Variants in ALMS1 observed in about 807,000 individuals in gnomAD.
The protein encoded by ALMS1 is centrosome-associated protein ALMS1.
Under a neutral mutation model 352.2 loss-of-function variants are expected in ALMS1, and 271 were observed. The observed-to-expected ratio is 0.77, with a 90% CI of 0.70 to 0.85. The LOEUF is 0.85. ALMS1 is among the 40% of genes least tolerant of loss of function. ALMS1 has a pLI of 0.00. For missense variants in ALMS1, 5,445 were observed against 4,870.7 expected (o/e 1.12, Z -3.51); for synonymous variants, 1,865 against 1,761.2 (o/e 1.06, Z -1.48).
rs779417083 is a variant in ALMS1 at position 73,451,739 on chromosome 2, G to A, written c.5212G>A (p.Val1738Ile). Residue 1738 changes from valine to isoleucine, a missense_variant, in exon 8 of 23, where the codon GTT becomes ATT. Coordinates refer to ENST00000613296, the MANE Select transcript of ALMS1 (RefSeq NM_001378454.1). ...TGAGCTAACTCAAGAAGCTCTGAAA[G>A]TTTCAGCTGTTCCTCAACCAGCTGA... Reference protein sequence around the residue: ...DSELTQEALKVSAVPQPADQK... With the variant: ...DSELTQEALKISAVPQPADQK... 6 of 1,614,012 alleles carry A rather than the reference G, an allele frequency of 3.7e-6. No individual in the cohort carries two copies. In the South Asian group the frequency reaches 5.5e-5, roughly 15 times the overall value.
chr2:73,437,529 T>G (rs1671627764), intron 7 of ALMS1, among the ~76,000 whole-genome samples: 1 of 152,214 alleles, frequency 6.6e-6, no homozygotes, highest in Admixed American at 6.5e-5. Context: ...CAGTGTTCTT[T>G]CTTTACAGCC....
Position 73,451,619 on chromosome 2 carries a change from G to C in ALMS1, c.5092G>C (p.Asp1698His). 6.2e-7 allele frequency: 1 copy of C among 1,614,052 alleles called. No individual in the cohort carries two copies. The highest frequency in any genetic ancestry group is 1.1e-5 in the South Asian group (1 of 91,084). ...GAAAGTTCCACCTGTTCCTGGACCA[G>C]ATGCCCAGAAGACTGAGACACCATC... Reference protein sequence around the residue: ...ALKVPPVPGPDAQKTETPSVS... With the variant: ...ALKVPPVPGPHAQKTETPSVS... The change falls in exon 8 of 23, where the codon GAT becomes CAT. Residue 1698 changes from aspartate (D) to histidine (H), a missense_variant. Asp to His is a moderately conservative substitution (Grantham distance 81, BLOSUM62 -1). Coordinates refer to ENST00000613296, the MANE Select transcript of ALMS1 (RefSeq NM_001378454.1).
intron 15 of ALMS1, among the ~76,000 whole-genome samples, chr2:73,565,429 T>C (rs1674781822): frequency 6.6e-6 from 1 of 152,196 alleles, no homozygotes; most frequent in Admixed American, 6.5e-5. Context: ...GAGTCTGTAC[T>C]GATAAAAGTA....
chr2:73,489,779 C>T lies in ALMS1; in HGVS notation c.7820C>T (p.Ala2607Val). Residue 2607 changes from alanine (A) to valine (V), a missense_variant, in exon 10 of 23, where the codon GCT (alanine) becomes GTT (valine). Transcript: ENST00000613296. The stretch of plus-strand genomic sequence containing the variant: ...AGACACCCTTGTGCTTTCAGATCTG[C>T]TGGACCCTCAGAAATGACCAGAGGA... ...LDRHPCAFRS[A>V]GPSEMTRGRQ... The T allele has an allele frequency of 6.2e-7, 1 of 1,614,150 alleles. No individual in the cohort carries two copies. Among genetic ancestry groups the T allele is most frequent in the Admixed American group, 1.7e-5 (1 of 60,012 alleles).
rs975010768 is a variant in ALMS1, at chr2:73,577,138, A to G, written c.11547+3714A>G. Among the ~76,000 whole-genome samples, 4 of 152,148 alleles carry G rather than the reference A, an allele frequency of 2.6e-5. No individual in the cohort carries two copies. In the East Asian group the frequency reaches 7.7e-4, roughly 29 times the overall value. ...TTTGTGATATCTTTACTGCCTTTAT[A>G]TCAGGGTACTACTGGCCTTATAGAA... On this transcript the variant is annotated intron_variant, in intron 16 of 22. Coordinates refer to ENST00000613296, the MANE Select transcript of ALMS1 (RefSeq NM_001378454.1).
intron 13 of ALMS1, among the ~76,000 whole-genome samples, chr2:73,555,557 A>G (rs1481817925): frequency 6.6e-6 from 1 of 152,202 alleles, no homozygotes; most frequent in African/African-American, 2.4e-5. Context: ...AAGATTTCTT[A>G]ATCAGGACAC....
intron 1 of ALMS1, among the ~76,000 whole-genome samples, chr2:73,402,358 C>T (rs553122879): frequency 6.7e-6 from 1 of 149,996 alleles, no homozygotes; most frequent in African/African-American, 2.5e-5. Context: ...ACTGCAACCT[C>T]CGCCTCCCGA....
intron 17 of ALMS1, 131 bp from the exon 18 acceptor site, chr2:73,600,547 C>A: frequency 1.3e-6 from 1 of 786,098 alleles, no homozygotes; most frequent in Non-Finnish European, 2.0e-6. Flanking sequence ...CCTCTCTCTT[C>A]GCATCCCTCC....
chr2:73,548,147 G>C (rs990683779), intron 12 of ALMS1, among the ~76,000 whole-genome samples: 1 of 152,154 alleles, frequency 6.6e-6, no homozygotes, highest in African/African-American at 2.4e-5. Flanking sequence ...GTCTACAATT[G>C]AATGTAGGCA....
chr2:73,553,392 A>C (rs556958263), intron 13 of ALMS1, among the ~76,000 whole-genome samples: 2 of 152,316 alleles, frequency 1.3e-5, no homozygotes, highest in African/African-American at 2.4e-5. Context: ...GCGGTGGTAC[A>C]CAAGGCCTAG....
intron 17 of ALMS1, 54 bp from the exon 18 acceptor site, chr2:73,600,624 T>G (rs1356299904): frequency 1.3e-6 from 2 of 1,516,172 alleles, no homozygotes; most frequent in Admixed American, 2.0e-5. Context: ...TGAATAAATC[T>G]GTCAACTCAG....
chr2:73,400,217 A>G (rs1670847664), intron 1 of ALMS1, among the ~76,000 whole-genome samples: 1 of 152,198 alleles, frequency 6.6e-6, no homozygotes, highest in Non-Finnish European at 1.5e-5. Flanking sequence ...AAGTGCTGGA[A>G]TTACAGGTGG....
chr2:73,585,803 A>G (rs1675299091), intron 16 of ALMS1, among the ~76,000 whole-genome samples: 1 of 137,954 alleles, frequency 7.2e-6, no homozygotes, highest in African/African-American at 2.9e-5. Flanking sequence ...ATCTCCACTC[A>G]CTGCAACCAC....
At chr2:73,387,130 T>C (rs1319106779) in intron 1 of ALMS1, among the ~76,000 whole-genome samples, 1 of 152,166 alleles carries the variant, frequency 6.6e-6, no homozygotes, top group Non-Finnish European at 1.5e-5. Context: ...TCACAGACAG[T>C]GAAGGTGTAG....
intron 16 of ALMS1, among the ~76,000 whole-genome samples, chr2:73,593,944 T>C (rs1474563390): frequency 2.0e-5 from 3 of 152,254 alleles, no homozygotes; most frequent in Non-Finnish European, 4.4e-5. Flanking sequence ...GACATTCCAT[T>C]CTATGAATAT....
chr2:73,530,881 C>T (rs986230685), intron 11 of ALMS1, among the ~76,000 whole-genome samples: 2 of 152,220 alleles, frequency 1.3e-5, no homozygotes, highest in African/African-American at 4.8e-5. Context: ...CTGAGCTGTC[C>T]TTTTAGCCAC....
intron 1 of ALMS1, among the ~76,000 whole-genome samples, chr2:73,401,559 A>C (rs889387253): frequency 6.6e-6 from 1 of 152,034 alleles, no homozygotes; most frequent in Non-Finnish European, 1.5e-5. Context: ...ATTGATTTCT[A>C]GTTTATTTTT....
rs1671860493 is a variant in ALMS1 at position 73,448,719 on chromosome 2, C to T, written c.2192C>T (p.Ala731Val). Residue 731 changes from alanine (A) to valine (V), a missense_variant, in exon 8 of 23, where the codon GCA becomes GTA. By Grantham distance (64) the Ala-to-Val change is moderately conservative (BLOSUM62 0). Coordinates refer to ENST00000613296, the MANE Select transcript of ALMS1 (RefSeq NM_001378454.1). ...GGTATTTTTTACCAACAAGAGTTCG[C>T]AGACAGTCATCAAACTGAAGAGACT... is the stretch of plus-strand genomic sequence containing the variant. ...KPGIFYQQEFADSHQTEETLT... is the reference protein window; with the variant it reads ...KPGIFYQQEFVDSHQTEETLT... The T allele has an allele frequency of 6.2e-7, 1 of 1,605,362 alleles. No individual in the cohort carries two copies. The highest frequency in any genetic ancestry group is 2.2e-5 in the East Asian group (1 of 44,520).
intron 1 of ALMS1, among the ~76,000 whole-genome samples, chr2:73,401,535 G>A (rs901532941): frequency 1.3e-5 from 2 of 152,024 alleles, no homozygotes; most frequent in Non-Finnish European, 2.9e-5. Context: ...GGATTTTCCA[G>A]CTATTTTTCT....
Sources: allele counts gnomAD v4.1 joint callset (sites outside exome capture counted in the v4.1 genomes callset), GRCh38; gene constraint gnomAD v4.1.1; transcripts MANE v1.5; gene names NCBI Gene and HGNC (gene_info 2026-07-23, HGNC 2026-07-21).